KCNN4: variants seen among roughly 807,000 people sequenced by gnomAD.
The protein encoded by KCNN4 is intermediate conductance calcium-activated potassium channel protein 4.
A neutral mutation model predicts 45.2 loss-of-function variants in KCNN4; 31 were observed. The ratio of observed to expected loss-of-function variants is 0.69; its 90% CI spans 0.52 to 0.92. KCNN4 has a LOEUF of 0.92. KCNN4 is among the 40% of genes least tolerant of loss of function. The pLI is 0.00. For synonymous variants in KCNN4, 231 were observed against 254.6 expected (o/e 0.91, Z 0.88); for missense variants, 463 against 574.0 (o/e 0.81, Z 1.98).
Position 43,774,541 on chromosome 19 carries a change from G to A in KCNN4, c.334C>T (p.Leu112=), listed in dbSNP as rs1311187081. ...GRQAAQIVLE[L]VVCGLHPAPV... is the part of the protein sequence containing the mutation. ...GCCGGGTGCAGCCCACACACCACCAGCTCCAGCACGATCTGCGCCGCCTGC... is the reference window on the plus strand; with the variant it reads ...GCCGGGTGCAGCCCACACACCACCAACTCCAGCACGATCTGCGCCGCCTGC... The change falls in exon 3 of 9, where the codon CTG becomes TTG. Residue 112 remains leucine (L), a synonymous_variant. Coordinates refer to ENST00000648319, the MANE Select transcript of KCNN4 (RefSeq NM_002250.3). The surrounding 1 kb of genome is among the most constrained non-coding windows in gnomAD (Gnocchi z 5.6). 1.1e-5 allele frequency: 17 copies of A among 1,585,954 alleles called. No homozygotes were observed. The highest frequency in any genetic ancestry group is 3.5e-5 in the Admixed American group (2 of 57,274).
chr19:43,776,326 G>T (rs2306801), intron 2 of KCNN4, among the ~76,000 whole-genome samples: 2 of 151,240 alleles, frequency 1.3e-5, no homozygotes, highest in Admixed American at 6.6e-5. Context: ...GCAAGGGGGG[G>T]CTGGGGACTA....
rs752219531 is a variant in KCNN4, at chr19:43,769,485, C to T, written c.1006G>A (p.Ala336Thr). The T allele has an allele frequency of 7.4e-6, 12 of 1,614,212 alleles. No homozygotes were observed. Among genetic ancestry groups the T allele is most frequent in the Non-Finnish European group, 1.0e-5 (12 of 1,180,040 alleles). The change falls in exon 6 of 9, where the codon GCT (alanine) becomes ACT (threonine). Residue 336 changes from alanine to threonine, a missense_variant. Transcript: ENST00000648319. The surrounding 1 kb of genome is among the most constrained non-coding windows in gnomAD (Gnocchi z 4.4). Reference protein sequence around the residue: ...YKHTRRKESHAARRHQRKLLA... With the variant: ...YKHTRRKESHTARRHQRKLLA... ...AGCTTGCGCTGATGCCTGCGGGCAG[C>T]ATGAGACTCCTTCCTGCGAGTATGT...
intron 1 of KCNN4, 68 bp downstream of exon 1, chr19:43,780,630 AAGAGT>A: frequency 6.0e-6 from 1 of 167,732 alleles, no homozygotes; most frequent in Non-Finnish European, 1.0e-5. Context: ...CCTCAGACCC[AAGAGT>A]CCTGACCCCC....
intron 7 of KCNN4, 111 bp downstream of exon 7, chr19:43,768,852 G>T: frequency 1.1e-6 from 1 of 935,490 alleles, no homozygotes; most frequent in Non-Finnish European, 1.8e-6. Flanking sequence ...TTTACTGACA[G>T]GCTGTGTGTG....
Position 43,772,607 on chromosome 19 carries a change from A to C in KCNN4, c.684-472T>G, listed in dbSNP as rs1440037548. Reference sequence around the variant, plus strand: ...CCTATCAGGACCAAAAAGGACTCTAAAAAGGCTTGGTGGGACTCGGCCTTC... The same window carrying C: ...CCTATCAGGACCAAAAAGGACTCTACAAAGGCTTGGTGGGACTCGGCCTTC... On this transcript the variant is annotated intron_variant, in intron 3 of 8. Coordinates refer to ENST00000648319, the MANE Select transcript of KCNN4 (RefSeq NM_002250.3). This position sits in a 1 kb window ranked among gnomAD's most constrained non-coding sequence, Gnocchi z 4.4. Among the ~76,000 whole-genome samples the C allele has an allele frequency of 6.6e-6, 1 of 152,190 alleles. No individual in the cohort carries two copies. The highest frequency in any genetic ancestry group is 1.5e-5 in the Non-Finnish European group (1 of 68,036).
chr19:43,771,505 C>T (rs1158204640), intron 4 of KCNN4, among the ~76,000 whole-genome samples: 1 of 152,070 alleles, frequency 6.6e-6, no homozygotes, highest in Non-Finnish European at 1.5e-5. Flanking sequence ...AGCCTGGCCC[C>T]ACAGGTATGC....
At chr19:43,767,385 C>G (rs962295574) in intron 8 of KCNN4, 155 bp downstream of exon 8, 24 of 912,784 alleles carry the variant, frequency 2.6e-5, no homozygotes, top group Non-Finnish European at 3.7e-5. Context: ...CCAGTCCAGC[C>G]CCGAACTGAG....
At chr19:43,776,308 G>A (rs1037493068) in intron 2 of KCNN4, among the ~76,000 whole-genome samples, 5 of 151,672 alleles carry the variant, frequency 3.3e-5, no homozygotes, top group African/African-American at 7.3e-5. Flanking sequence ...CTCAGCATCC[G>A]TGAGTGTGCA....
At position 43,769,785 on chromosome 19, in the gene KCNN4, C is replaced by T. The variant is rs756276998; in HGVS notation, c.864G>A (p.Lys288=). The T allele has an allele frequency of 1.2e-6, 2 of 1,613,884 alleles. No homozygotes were observed. The highest frequency in any genetic ancestry group is 2.2e-5 in the South Asian group (2 of 91,074). ...TALLVAVVAR[K]LEFNKAEKHV... ...GCTTCTCTGCCTTGTTAAACTCCAG[C>T]TTCCGGGCCACCACGGCCACCAGCA... The change falls in exon 5 of 9, where the codon AAG becomes AAA. Residue 288 remains lysine (K), a synonymous_variant. Transcript: ENST00000648319. The surrounding 1 kb of genome is among the most constrained non-coding windows in gnomAD (Gnocchi z 4.4).
chr19:43,776,453 C>CAGG, intron 2 of KCNN4, 88 bp downstream of exon 2: 2 of 886,722 alleles, frequency 2.3e-6, no homozygotes, highest in Non-Finnish European at 3.8e-6. Flanking sequence ...TTACTCAGAT[C>CAGG]AGGAGGAGGA....
intron 1 of KCNN4, among the ~76,000 whole-genome samples, chr19:43,777,091 G>A (rs1969831238): frequency 6.6e-6 from 1 of 151,964 alleles, no homozygotes; most frequent in African/African-American, 2.4e-5. Flanking sequence ...CTCGAAACAA[G>A]CAAGCAAGCA....
chr19:43,770,684 G>C (rs145419003), intron 4 of KCNN4, among the ~76,000 whole-genome samples: 1 of 152,292 alleles, frequency 6.6e-6, no homozygotes, highest in East Asian at 1.9e-4. Context: ...TGGCCTCACA[G>C]GGTTACTAGG....
At chr19:43,768,386 T>G (rs1969542426) in intron 7 of KCNN4, among the ~76,000 whole-genome samples, 1 of 152,032 alleles carries the variant, frequency 6.6e-6, no homozygotes, top group African/African-American at 2.4e-5. Context: ...GCCAAGGGGG[T>G]GTTGTGACAT....
chr19:43,768,264 A>G (rs1969539083), intron 7 of KCNN4, among the ~76,000 whole-genome samples: 1 of 152,258 alleles, frequency 6.6e-6, no homozygotes, highest in Admixed American at 6.5e-5. Context: ...TGGGGCCTGC[A>G]TCTGTGACCG....
intron 1 of KCNN4, among the ~76,000 whole-genome samples, chr19:43,778,925 G>A (rs749896079): frequency 1.3e-5 from 2 of 152,208 alleles, no homozygotes; most frequent in Non-Finnish European, 2.9e-5. Flanking sequence ...AGGGGACTGA[G>A]GAGCTGTGGC....
At chr19:43,775,645 T>C (rs370800696) in intron 2 of KCNN4, among the ~76,000 whole-genome samples, 2 of 151,954 alleles carry the variant, frequency 1.3e-5, no homozygotes, top group Non-Finnish European at 2.9e-5. Flanking sequence ...CCATTTTACA[T>C]GCAAAGTTAT....
At chr19:43,767,425 T>G in intron 8 of KCNN4, 115 bp downstream of exon 8, 17 of 1,311,190 alleles carry the variant, frequency 1.3e-5, no homozygotes, top group Non-Finnish European at 1.7e-5. Context: ...CCAGAGCTGA[T>G]GAGAAAAGGC....
chr19:43,770,934 C>T (rs925788802), intron 4 of KCNN4, among the ~76,000 whole-genome samples: 1 of 152,208 alleles, frequency 6.6e-6, no homozygotes, highest in Non-Finnish European at 1.5e-5. Context: ...CCCCTCTTCC[C>T]TTGCTCCAAA....
chr19:43,767,735 T>A (rs1484695514), intron 7 of KCNN4, 28 bp from the exon 8 acceptor site: 1 of 1,613,198 alleles, frequency 6.2e-7, no homozygotes, highest in African/African-American at 1.3e-5. Flanking sequence ...ATCAGAGGTG[T>A]CGGGGCTGGG....
Sources: gnomAD v4.1 joint callset for allele counts (sites outside exome capture counted in the v4.1 genomes callset) on GRCh38, gnomAD v4.1.1 for gene constraint, Gnocchi (gnomAD v3.1) non-coding constraint, MANE v1.5 for transcripts, NCBI Gene and HGNC (gene_info 2026-07-23, HGNC 2026-07-21) for gene names.